The following DLG2 variants were observed in gnomAD, a reference collection of about 807,000 sequenced individuals.
DLG2 encodes discs large MAGUK scaffold protein 2.
In DLG2, 45 loss-of-function variants were observed where a neutral mutation model predicts 132.5. The ratio of observed to expected loss-of-function variants is 0.34; its 90% CI spans 0.27 to 0.44. The LOEUF (loss-of-function observed/expected upper bound fraction) is 0.44. DLG2 is among the 20% of genes least tolerant of loss of function. The probability of loss-of-function intolerance (pLI) is 1.00; values close to 1 mark genes in which losing one functional copy is unlikely to be tolerated. For missense variants in DLG2, 1,045 were observed against 1,196.9 expected (o/e 0.87, Z 1.87); for synonymous variants, 424 against 419.6 (o/e 1.01, Z -0.13).
At chr11:84,886,984 C>T (rs777082110) in intron 6 of DLG2, among the ~76,000 whole-genome samples, 2 of 152,090 alleles carry the variant, frequency 1.3e-5, no homozygotes, top group African/African-American at 4.8e-5. Flanking sequence ...TTATATCAAA[C>T]AATCACAAGA....
intron 9 of DLG2, among the ~76,000 whole-genome samples, chr11:84,115,973 T>A (rs2093615319): frequency 6.6e-6 from 1 of 152,182 alleles, no homozygotes; most frequent in Non-Finnish European, 1.5e-5. Flanking sequence ...GTTTAAGAAA[T>A]GAGTGTCTCA....
intron 6 of DLG2, among the ~76,000 whole-genome samples, chr11:85,085,114 C>A (rs1469875561): frequency 2.0e-5 from 3 of 152,062 alleles, no homozygotes; most frequent in Non-Finnish European, 4.4e-5. Context: ...TCTTAAGACA[C>A]TGCAATAGAA....
intron 16 of DLG2, among the ~76,000 whole-genome samples, chr11:83,869,855 C>A (rs1015585483): frequency 5.3e-5 from 8 of 152,214 alleles, no homozygotes; most frequent in Non-Finnish European, 1.2e-4. Context: ...AGAATTTGTA[C>A]TAGAAAATTC....
intron 9 of DLG2, among the ~76,000 whole-genome samples, chr11:84,146,685 G>GC (rs1259021613): frequency 4.6e-5 from 7 of 152,126 alleles, no homozygotes; most frequent in African/African-American, 1.4e-4. Flanking sequence ...GATAGCTAAA[G>GC]TACAACTTCA....
rs189654655 is a variant in DLG2 at position 85,516,513 on chromosome 11, A to T, written c.40+82144T>A. 2.8e-3 allele frequency among the ~76,000 whole-genome samples: 432 copies of T among 152,202 alleles called. 4 individuals are homozygous for T. Among genetic ancestry groups the T allele is most frequent in the African/African-American group, 1.0e-2 (415 of 41,564 alleles). On this transcript the variant is annotated intron_variant, in intron 3 of 27. Coordinates refer to ENST00000376104, the MANE Select transcript of DLG2 (RefSeq NM_001142699.3). Reference sequence around the variant, plus strand: ...CAAATGAAAAGTTTGTTTTCTGTAAATGTAAACAAAAGTGATAGAACACTA... The same window carrying T: ...CAAATGAAAAGTTTGTTTTCTGTAATTGTAAACAAAAGTGATAGAACACTA...
intron 8 of DLG2, among the ~76,000 whole-genome samples, chr11:84,201,164 G>A (rs1051733914): frequency 6.6e-6 from 1 of 152,124 alleles, no homozygotes; most frequent in Non-Finnish European, 1.5e-5. Context: ...TAGGGATGTT[G>A]AATTTTATCA....
chr11:85,325,018 C>T (rs2081353685), intron 3 of DLG2, among the ~76,000 whole-genome samples: 3 of 143,744 alleles, frequency 2.1e-5, no homozygotes, highest in African/African-American at 7.9e-5. Context: ...GACGGACGCA[C>T]CTGGAAAATT....
chr11:85,446,393 T>A (rs1033923828), intron 3 of DLG2, among the ~76,000 whole-genome samples: 1 of 152,236 alleles, frequency 6.6e-6, no homozygotes, highest in African/African-American at 2.4e-5. Flanking sequence ...TAGATTTTAC[T>A]TTGAAGGCCA....
chr11:84,272,643 T>G (rs1299349225), intron 7 of DLG2, among the ~76,000 whole-genome samples: 1 of 152,214 alleles, frequency 6.6e-6, no homozygotes, highest in African/African-American at 2.4e-5. Flanking sequence ...CAGAAATTTT[T>G]ACAAAATCTA....
intron 5 of DLG2, among the ~76,000 whole-genome samples, chr11:85,151,070 G>A (rs1190022697): frequency 6.6e-6 from 1 of 152,126 alleles, no homozygotes; most frequent in African/African-American, 2.4e-5. Context: ...CCTAATGGGT[G>A]TGAAATGATT....
chr11:84,666,278 T>A (rs1383015104), intron 6 of DLG2, among the ~76,000 whole-genome samples: 1 of 152,142 alleles, frequency 6.6e-6, no homozygotes, highest in East Asian at 1.9e-4. Context: ...AACAACTGAC[T>A]CTTCTCAAAG....
intron 5 of DLG2, among the ~76,000 whole-genome samples, chr11:85,138,031 C>CA (rs2076235665): frequency 6.6e-6 from 1 of 151,846 alleles, no homozygotes; most frequent in Non-Finnish European, 1.5e-5. Flanking sequence ...TGTATCCTTA[C>CA]AAAAAAATAT....
intron 24 of DLG2, among the ~76,000 whole-genome samples, chr11:83,470,398 C>A (rs2091876742): frequency 6.6e-6 from 1 of 152,080 alleles, no homozygotes; most frequent in African/African-American, 2.4e-5. Flanking sequence ...TTGTATACTT[C>A]TAATTTTCTC....
At chr11:84,940,644 G>T (rs1466285150) in intron 6 of DLG2, among the ~76,000 whole-genome samples, 1 of 152,050 alleles carries the variant, frequency 6.6e-6, no homozygotes, top group Admixed American at 6.6e-5. Flanking sequence ...TTGTCAAATG[G>T]GTAGTTTGCA....
intron 11 of DLG2, among the ~76,000 whole-genome samples, chr11:84,048,176 T>C (rs1204546303): frequency 6.6e-6 from 1 of 151,174 alleles, no homozygotes; most frequent in Non-Finnish European, 1.5e-5. Flanking sequence ...TAATAAAAGA[T>C]TTGCTCTCTG....
chr11:85,117,741 AAAG>A (rs2073831892), intron 5 of DLG2, among the ~76,000 whole-genome samples: 1 of 152,094 alleles, frequency 6.6e-6, no homozygotes, highest in South Asian at 2.1e-4. Flanking sequence ...ACAGTGGAAA[AAAG>A]AGAATCTTTC....
chr11:84,514,899 C>T (rs2099267963), intron 7 of DLG2, among the ~76,000 whole-genome samples: 1 of 151,856 alleles, frequency 6.6e-6, no homozygotes, highest in East Asian at 1.9e-4. Context: ...CATTGCATGC[C>T]TGTACCAAAA....
intron 7 of DLG2, among the ~76,000 whole-genome samples, chr11:84,428,166 C>A (rs1002881911): frequency 1.3e-5 from 2 of 152,176 alleles, no homozygotes; most frequent in African/African-American, 4.8e-5. Context: ...CTCTACTTCT[C>A]CTTTTTAAAA....
intron 16 of DLG2, among the ~76,000 whole-genome samples, chr11:83,859,936 C>A (rs1374857137): frequency 6.6e-6 from 1 of 152,164 alleles, no homozygotes; most frequent in East Asian, 1.9e-4. Context: ...GAGCTTGGGC[C>A]ACAGCTTCAG....
Sources: allele counts gnomAD v4.1 joint callset (sites outside exome capture counted in the v4.1 genomes callset), GRCh38; gene constraint gnomAD v4.1.1; transcripts MANE v1.5; gene names NCBI Gene and HGNC (gene_info 2026-07-23, HGNC 2026-07-21).